SPATA13: variants seen among roughly 807,000 people sequenced by gnomAD.
SPATA13 encodes spermatogenesis associated 13.
In SPATA13, 50 loss-of-function variants were observed where a neutral mutation model predicts 104.0. The ratio of observed to expected loss-of-function variants is 0.48; its 90% CI spans 0.38 to 0.61. The LOEUF is 0.61. Ranked by LOEUF, SPATA13 falls within the 20% of genes least tolerant of loss-of-function variation. The pLI, the probability that SPATA13 is intolerant of heterozygous loss-of-function variation, is 0.00. For synonymous variants in SPATA13, 606 were observed against 667.5 expected (o/e 0.91, Z 1.42); for missense variants, 1,524 against 1,690.6 (o/e 0.90, Z 1.73).
At chr13:24,280,369 C>A (rs1406637493) in intron 4 of SPATA13, among the ~76,000 whole-genome samples, 1 of 152,152 alleles carries the variant, frequency 6.6e-6, no homozygotes, top group Admixed American at 6.5e-5. Context: ...ACAGCAATAG[C>A]TAGATCATGG....
intron 3 of SPATA13, among the ~76,000 whole-genome samples, chr13:24,084,768 C>T (rs1174279442): frequency 1.3e-5 from 2 of 152,086 alleles, no homozygotes; most frequent in African/African-American, 4.8e-5. Flanking sequence ...ATCTGTAATC[C>T]CAACACTGTG....
chr13:24,286,745 C>T lies in SPATA13; in HGVS notation c.2482-20C>T, dbSNP rs1322383768. On this transcript the variant is annotated intron_variant, in intron 6 of 12. Transcript: ENST00000382108. This position sits in a 1 kb window ranked among gnomAD's most constrained non-coding sequence, Gnocchi z 4.9. The stretch of plus-strand genomic sequence containing the variant: ...CCCTCCCCTGCCCCAAGTCACCTGT[C>T]CCCTGTATGTGGGTTGCAGTTGCGA... The T allele has an allele frequency of 1.2e-6, 2 of 1,611,430 alleles. No individual in the cohort carries two copies. The highest frequency in any genetic ancestry group is 1.7e-6 in the Non-Finnish European group (2 of 1,178,602).
chr13:24,090,117 A>AT (rs34240045), intron 3 of SPATA13, among the ~76,000 whole-genome samples: 6,275 of 151,388 alleles, frequency 0.041, 193 homozygotes, highest in Non-Finnish European at 0.065. Context: ...GACTTCCTTT[A>AT]TTTTTTTTTC....
At chr13:24,133,172 T>G (rs930824795) in intron 3 of SPATA13, among the ~76,000 whole-genome samples, 2 of 152,120 alleles carry the variant, frequency 1.3e-5, no homozygotes, top group Non-Finnish European at 2.9e-5. Flanking sequence ...GGGATTAGAC[T>G]GTGCAGCCTA....
chr13:24,001,239 C>T (rs1875952681), intron 2 of SPATA13, among the ~76,000 whole-genome samples: 1 of 152,126 alleles, frequency 6.6e-6, no homozygotes, highest in African/African-American at 2.4e-5. Context: ...GGGAAAGTAA[C>T]AGTGTTACAT....
intron 3 of SPATA13, among the ~76,000 whole-genome samples, chr13:24,126,853 C>T (rs1881235962): frequency 6.6e-6 from 1 of 152,196 alleles, no homozygotes; most frequent in Non-Finnish European, 1.5e-5. Flanking sequence ...AGCCACTGCA[C>T]TCAGTCCATT....
chr13:24,224,185 C>T lies in SPATA13; in HGVS notation c.1256C>T (p.Ala419Val), dbSNP rs750341557. The change falls in exon 2 of 13, where the codon GCG becomes GTG. Residue 419 changes from alanine to valine, a missense_variant. Around this residue, in one of 2 missense-constraint regions of SPATA13, gnomAD observed 1,089 missense variants for 1,135.9 expected, o/e 0.96. Transcript: ENST00000382108. Reference protein sequence around the residue: ...VFPLETKSSWAVESDSSCTCS... With the variant: ...VFPLETKSSWVVESDSSCTCS... ...CCTCTTGAAACCAAAAGTTCCTGGG[C>T]GGTGGAAAGCGACAGTTCCTGCACT... The T allele has an allele frequency of 8.4e-6, 13 of 1,551,598 alleles. No individual in the cohort carries two copies. Among genetic ancestry groups the T allele is most frequent in the East Asian group, 4.9e-5 (2 of 40,918 alleles).
intron 1 of SPATA13, among the ~76,000 whole-genome samples, chr13:24,165,825 AC>A (rs1159760084): frequency 1.3e-5 from 2 of 152,232 alleles, no homozygotes; most frequent in African/African-American, 2.4e-5. Context: ...CAGTCTCATT[AC>A]ACAGGATTCT....
At chr13:24,282,307 CAG>C (rs1476700509) in intron 4 of SPATA13, among the ~76,000 whole-genome samples, 2 of 152,184 alleles carry the variant, frequency 1.3e-5, no homozygotes, top group Non-Finnish European at 2.9e-5. Flanking sequence ...ACTCTTCAGT[CAG>C]AAACCAGACC....
At position 24,255,625 on chromosome 13, in the gene SPATA13, T is replaced by C. The variant is rs1304576088; in HGVS notation, c.2164+3763T>C. On this transcript the variant is annotated intron_variant, in intron 4 of 12. Coordinates refer to ENST00000382108, the MANE Select transcript of SPATA13 (RefSeq NM_001166271.3). Reference sequence around the variant, plus strand: ...GCAGTGGAACCATCTCTCAGCAGCATCTCTGGCCTAGAGAGATTAGCAGTA... The same window carrying C: ...GCAGTGGAACCATCTCTCAGCAGCACCTCTGGCCTAGAGAGATTAGCAGTA... Among the ~76,000 whole-genome samples the C allele has an allele frequency of 2.6e-5, 4 of 152,314 alleles. No individual in the cohort carries two copies. The East Asian group carries it at 7.7e-4, about 29-fold the overall frequency.
At chr13:24,123,087 T>C in intron 3 of SPATA13, 3 of 978,088 alleles carry the variant, frequency 3.1e-6, no homozygotes, top group Non-Finnish European at 5.0e-6. Flanking sequence ...AGTAAATTCT[T>C]CACTATATTC....
Position 24,294,848 on chromosome 13 carries a change from G to T in SPATA13, c.3190G>T (p.Val1064Leu), listed in dbSNP as rs756792701. 3 of 1,609,764 alleles carry T rather than the reference G, an allele frequency of 1.9e-6. No homozygotes were observed. Among genetic ancestry groups the T allele is most frequent in the South Asian group, 1.1e-5 (1 of 90,984 alleles). The change falls in exon 10 of 13, where the codon GTG (valine) becomes TTG (leucine). Residue 1064 changes from valine to leucine, a missense_variant. By Grantham distance (32) the Val-to-Leu change is conservative. This residue lies in a region of SPATA13 where 435 missense variants were observed against 554.8 expected (regional missense o/e 0.78). Coordinates refer to ENST00000382108, the MANE Select transcript of SPATA13 (RefSeq NM_001166271.3). ...ESIDKIARWQVSIVGWEGLDI... is the reference protein window; with the variant it reads ...ESIDKIARWQLSIVGWEGLDI... Reference sequence around the variant, plus strand: ...CATCGACAAGATAGCTCGCTGGCAGGTGTCTATCGTGGGCTGGGAGGTAAG... The same window carrying T: ...CATCGACAAGATAGCTCGCTGGCAGTTGTCTATCGTGGGCTGGGAGGTAAG...
chr13:24,281,141 T>C (rs61170395), intron 4 of SPATA13, among the ~76,000 whole-genome samples: 15,248 of 152,150 alleles, frequency 0.1, 988 homozygotes, highest in African/African-American at 0.17. Flanking sequence ...TCTCCTTTAA[T>C]GAGCAGGTAA....
At chr13:24,129,202 G>A (rs1053706479) in intron 3 of SPATA13, among the ~76,000 whole-genome samples, 2 of 152,258 alleles carry the variant, frequency 1.3e-5, no homozygotes, top group Admixed American at 6.5e-5. Context: ...CTAGTGTCGG[G>A]TGGGTTTCCA....
rs371204590 is a variant in SPATA13, at chr13:24,074,648, A to C, written c.-112+56947A>C. Among the ~76,000 whole-genome samples, 7 of 137,552 alleles carry C rather than the reference A, an allele frequency of 5.1e-5. No individual in the cohort carries two copies. The South Asian group carries it at 1.6e-3, about 31-fold the overall frequency. The allele number at this position is 137,552 out of a possible 152,430, so 90.2% of individuals were successfully genotyped here. The stretch of plus-strand genomic sequence containing the variant: ...GAGGAGTAAAGTGATTAAAAAAAAA[A>C]CCCTTGTAGGAATTAGGGAACTTGC... On this transcript the variant is annotated intron_variant, in intron 3 of 14. Coordinates refer to the SPATA13 transcript ENST00000424834.
chr13:24,143,208 C>A (rs1233230609), intron 3 of SPATA13, among the ~76,000 whole-genome samples: 1 of 152,188 alleles, frequency 6.6e-6, no homozygotes, highest in Non-Finnish European at 1.5e-5. Flanking sequence ...AGAAAGCCTG[C>A]AGACAAGGAG....
At chr13:24,137,749 A>G (rs1881621127) in intron 3 of SPATA13, among the ~76,000 whole-genome samples, 1 of 152,204 alleles carries the variant, frequency 6.6e-6, no homozygotes, top group Non-Finnish European at 1.5e-5. Context: ...TGACTTCAAC[A>G]GAGTGAGACT....
chr13:24,146,513 A>C (rs145083605), intron 3 of SPATA13, among the ~76,000 whole-genome samples: 2,140 of 152,352 alleles, frequency 0.014, 47 homozygotes, highest in African/African-American at 0.048. Context: ...TAAGTACTCT[A>C]TAATCTTATC....
chr13:24,053,635 T>A (rs970070219), intron 3 of SPATA13, among the ~76,000 whole-genome samples: 1 of 152,038 alleles, frequency 6.6e-6, no homozygotes, highest in Non-Finnish European at 1.5e-5. Context: ...GCACCCACTT[T>A]GGGGCTGAGC....
Sources: gnomAD v4.1 joint callset for allele counts (sites outside exome capture counted in the v4.1 genomes callset) on GRCh38, gnomAD v4.1.1 for gene constraint, gnomAD v4.1.1 regional missense constraint, Gnocchi (gnomAD v3.1) non-coding constraint, MANE v1.5 for transcripts, NCBI Gene and HGNC (gene_info 2026-07-23, HGNC 2026-07-21) for gene names.